The following PARP12 variants were observed in gnomAD, a reference collection of about 807,000 sequenced individuals.
PARP12 encodes poly(ADP-ribose) polymerase family member 12.
In PARP12, 59 loss-of-function variants were observed where a neutral mutation model predicts 72.4. The observed-to-expected ratio is 0.81, with a 90% CI of 0.66 to 1.01. PARP12 has a LOEUF of 1.01. Ranked by LOEUF, PARP12 falls within the 50% of genes least tolerant of loss-of-function variation. PARP12 has a pLI of 0.00. For missense variants in PARP12, 851 were observed against 914.0 expected (o/e 0.93, Z 0.89); for synonymous variants, 403 against 371.4 (o/e 1.09, Z -0.98).
Position 140,035,931 on chromosome 7 carries a change from A to G in PARP12, c.1325-1600T>C, listed in dbSNP as rs1186538844. ...GAGGAGGACAAGGAGGAGGACAAGG[A>G]GGAGGAGGAGGAGGAGGAGGACGAG... On this transcript the variant is annotated intron_variant, in intron 7 of 11. Transcript: ENST00000263549. Among the ~76,000 whole-genome samples the G allele has an allele frequency of 1.4e-4, 14 of 100,226 alleles. 3 individuals are homozygous for G. The highest frequency in any genetic ancestry group is 3.6e-4 in the African/African-American group (7 of 19,276). The allele number at this position is 100,226 out of a possible 152,430, so 65.8% of individuals were successfully genotyped here.
intron 4 of PARP12, among the ~76,000 whole-genome samples, chr7:140,047,500 C>T (rs58418460): frequency 0.036 from 5,457 of 152,298 alleles, 208 homozygotes; most frequent in African/African-American, 0.095. Flanking sequence ...TCTCAGCCTC[C>T]ATATAGGTAA....
intron 8 of PARP12, among the ~76,000 whole-genome samples, chr7:140,029,397 T>C (rs1260249849): frequency 6.6e-6 from 1 of 152,250 alleles, no homozygotes; most frequent in African/African-American, 2.4e-5. Flanking sequence ...ATCATTCCTA[T>C]TAAGTTTCAG....
Position 140,027,328 on chromosome 7 carries a change from C to A in PARP12, c.1576G>T (p.Val526Phe). The part of the protein sequence containing the change: ...LFNRTLPFYF[V>F]QKIERVQNLA... ...TTCTGTACTCGCTCAATCTTCTGAA[C>A]AAAGTAGAAAGGCAGCGTGCGGTTA... Residue 526 changes from valine to phenylalanine, a missense_variant, in exon 10 of 12, where the codon GTT becomes TTT. This residue lies in a region of PARP12 where 347 missense variants were observed against 396.1 expected (regional missense o/e 0.88). Coordinates refer to ENST00000263549, the MANE Select transcript of PARP12 (RefSeq NM_022750.4). The A allele has an allele frequency of 6.2e-7, 1 of 1,614,074 alleles. No individual in the cohort carries two copies.
At chr7:140,039,038 G>T (rs1376842152) in intron 6 of PARP12, among the ~76,000 whole-genome samples, 3 of 152,204 alleles carry the variant, frequency 2.0e-5, no homozygotes, top group Admixed American at 6.5e-5. Context: ...AAGCCCGAGG[G>T]ATGACATGAG....
rs1422562880 is a variant in PARP12 at position 140,024,098 on chromosome 7, G to C, written c.*462C>G. The C allele has an allele frequency of 3.7e-6, 1 of 267,330 alleles. No homozygotes were observed. The highest frequency in any genetic ancestry group is 7.3e-6 in the Non-Finnish European group (1 of 136,754). 16.6% of individuals were successfully genotyped at this position (267,330 alleles called of 1,614,324 possible). A position where few individuals can be genotyped will look rare whatever the true frequency, so the allele number is the denominator to read the frequency against. Reference sequence around the variant, plus strand: ...AGCAGAGCTGCCTGGGTTGGTGTCAGAGCAACAGGCAGAAGTGACTGTGCC... The same window carrying C: ...AGCAGAGCTGCCTGGGTTGGTGTCACAGCAACAGGCAGAAGTGACTGTGCC... On this transcript the variant is annotated 3_prime_UTR_variant, in exon 12 of 12. Transcript: ENST00000263549.
intron 7 of PARP12, among the ~76,000 whole-genome samples, chr7:140,036,146 G>A (rs541072621): frequency 5.3e-5 from 8 of 152,310 alleles, no homozygotes; most frequent in East Asian, 1.9e-4. Flanking sequence ...TAAACTGCAC[G>A]TGTGTGCTCT....
chr7:140,046,833 T>TGTGTGTTTGTCA, intron 5 of PARP12, 51 bp downstream of exon 5: 1 of 1,188,026 alleles, frequency 8.4e-7, no homozygotes. Flanking sequence ...TGTGTGTGTG[T>TGTGTGTTTGTCA]CACACACAGA....
At chr7:140,052,961 CA>C (rs1817024050) in intron 4 of PARP12, among the ~76,000 whole-genome samples, 1 of 152,052 alleles carries the variant, frequency 6.6e-6, no homozygotes, top group Admixed American at 6.6e-5. Flanking sequence ...CAAGTGTTAG[CA>C]AGAATATACA....
chr7:140,025,658 A>G (rs940104281), intron 11 of PARP12: 3 of 388,814 alleles, frequency 7.7e-6, no homozygotes, highest in African/African-American at 6.3e-5. Context: ...GAACGCAGGT[A>G]AAATTTACCC....
Position 140,024,699 on chromosome 7 carries a change from G to A in PARP12, c.1967C>T (p.Ser656Phe). The A allele has an allele frequency of 6.2e-7, 1 of 1,614,152 alleles. No individual in the cohort carries two copies. The highest frequency in any genetic ancestry group is 8.5e-7 in the Non-Finnish European group (1 of 1,180,040). Residue 656 changes from serine (S) to phenylalanine (F), a missense_variant, in exon 12 of 12, where the codon TCC (serine) becomes TTC (phenylalanine). By Grantham distance (155) the Ser-to-Phe change is radical. This residue lies in a region of PARP12 where 347 missense variants were observed against 396.1 expected (regional missense o/e 0.88). Transcript: ENST00000263549. Reference protein sequence around the residue: ...AFYDSCVNSVSDPSIFVIFEK... With the variant: ...AFYDSCVNSVFDPSIFVIFEK... ...AAAGATCACAAAGATGGAGGGGTCG[G>A]ACACACTGTTCACGCAGCTATCATA... is the stretch of plus-strand genomic sequence containing the variant.
rs565719168 is a variant in PARP12 at position 140,044,859 on chromosome 7, TAAAG to T, written c.986+2021_986+2024del. ...TAAAGCAACCTCCAACAGAGGAACT[TAAAG>T]AAAGAAAATGATAAACAAGGAGAAG... On this transcript the variant is annotated intron_variant, in intron 5 of 11. Coordinates refer to ENST00000263549, the MANE Select transcript of PARP12 (RefSeq NM_022750.4). Among the ~76,000 whole-genome samples, 28 of 152,218 alleles carry T rather than the reference TAAAG, an allele frequency of 1.8e-4. 1 individual carries two copies. The East Asian group carries it at 4.1e-3, about 22-fold the overall frequency.
intron 5 of PARP12, among the ~76,000 whole-genome samples, chr7:140,042,828 C>A (rs118082014): frequency 0.017 from 2,535 of 152,302 alleles, 32 homozygotes; most frequent in Non-Finnish European, 0.026. Context: ...CTGCAAAGAC[C>A]ACCCAGGGTA....
At chr7:140,055,698 A>G (rs1242151436) in intron 3 of PARP12, among the ~76,000 whole-genome samples, 1 of 152,206 alleles carries the variant, frequency 6.6e-6, no homozygotes, top group African/African-American at 2.4e-5. Flanking sequence ...CTATAATCCA[A>G]CTGTATTCAA....
At chr7:140,027,586 T>C (rs1815784671) in intron 9 of PARP12, 180 bp from the exon 10 acceptor site, 3 of 603,508 alleles carry the variant, frequency 5.0e-6, no homozygotes, top group Middle Eastern at 9.2e-4. Flanking sequence ...GAAATGTCAT[T>C]GATAGGTTCT....
chr7:140,062,165 T>G (rs891726296), intron 1 of PARP12, among the ~76,000 whole-genome samples: 2 of 152,130 alleles, frequency 1.3e-5, no homozygotes, highest in African/African-American at 4.8e-5. Context: ...TTGTCTGGCC[T>G]CAAAGCTGGC....
chr7:140,042,919 GGCATGGTGGCTCAC>G (rs1816548820), intron 5 of PARP12, among the ~76,000 whole-genome samples: 5 of 152,330 alleles, frequency 3.3e-5, no homozygotes, highest in Admixed American at 3.3e-4. Context: ...TTCTTGGCCG[GGCATGGTGGCTCAC>G]GCCTGTAATC....
chr7:140,061,054 C>A (rs1285582215), intron 1 of PARP12, among the ~76,000 whole-genome samples: 1 of 152,214 alleles, frequency 6.6e-6, no homozygotes, highest in African/African-American at 2.4e-5. Context: ...CACATATCCT[C>A]TCATCACACC....
At chr7:140,053,763 A>C (rs894622421) in intron 4 of PARP12, among the ~76,000 whole-genome samples, 8 of 152,330 alleles carry the variant, frequency 5.3e-5, no homozygotes, top group African/African-American at 1.7e-4. Flanking sequence ...ACTTGTTTTT[A>C]AAATGAGGTG....
At chr7:140,057,554 TTCAAAG>T (rs1352845033) in intron 2 of PARP12, 1 of 365,066 alleles carries the variant, frequency 2.7e-6, no homozygotes, top group African/African-American at 2.1e-5. Context: ...TTTTCTACAA[TTCAAAG>T]TCAAAGAGGC....
Sources: gnomAD v4.1 joint callset for allele counts (sites outside exome capture counted in the v4.1 genomes callset) on GRCh38, gnomAD v4.1.1 for gene constraint, gnomAD v4.1.1 regional missense constraint, MANE v1.5 for transcripts, NCBI Gene and HGNC (gene_info 2026-07-23, HGNC 2026-07-21) for gene names.